SLC24A2: variants seen among roughly 807,000 people sequenced by gnomAD.
The protein encoded by SLC24A2 is solute carrier family 24 member 2, also known as sodium/potassium/calcium exchanger 2.
Under a neutral mutation model 62.0 loss-of-function variants are expected in SLC24A2, and 36 were observed. The ratio of observed to expected loss-of-function variants is 0.58; its 90% CI spans 0.44 to 0.77. The LOEUF is 0.77. SLC24A2 is among the 30% of genes least tolerant of loss of function. The probability of loss-of-function intolerance (pLI) is 0.00; values close to 1 mark genes in which losing one functional copy is unlikely to be tolerated. For synonymous variants in SLC24A2, 358 were observed against 294.0 expected, an observed-to-expected ratio of 1.22 and a Z score of -2.23; for missense variants, 846 against 817.9, an observed-to-expected ratio of 1.03 and a Z score of -0.42.
the SLC24A2 span, among the ~76,000 whole-genome samples, chr9:20,282,506 G>A: frequency 6.6e-6 from 1 of 152,124 alleles, no homozygotes; most frequent in African/African-American, 2.4e-5. Context: ...TGAAATCCAA[G>A]AGATTAATGC....
At chr9:20,034,506 C>T in the SLC24A2 span, among the ~76,000 whole-genome samples, 2 of 125,956 alleles carry the variant, frequency 1.6e-5, no homozygotes, top group Non-Finnish European at 3.1e-5. Flanking sequence ...GTCGCCCAGG[C>T]TGGAATGCAG....
At chr9:20,141,204 G>A in the SLC24A2 span, among the ~76,000 whole-genome samples, 2 of 152,098 alleles carry the variant, frequency 1.3e-5, no homozygotes, top group Non-Finnish European at 2.9e-5. Context: ...AATGAATACA[G>A]CACTTGATGA....
At chr9:19,997,539 C>G in the SLC24A2 span, among the ~76,000 whole-genome samples, 1 of 152,170 alleles carries the variant, frequency 6.6e-6, no homozygotes, top group Non-Finnish European at 1.5e-5. Flanking sequence ...TCAGCACACT[C>G]TCAGCAAGTG....
At chr9:20,145,138 T>A in the SLC24A2 span, among the ~76,000 whole-genome samples, 1 of 152,154 alleles carries the variant, frequency 6.6e-6, no homozygotes, top group African/African-American at 2.4e-5. Flanking sequence ...TCATATGGAA[T>A]AACTGTGGCA....
At chr9:19,634,471 A>G (rs1818262757) in intron 2 of SLC24A2, among the ~76,000 whole-genome samples, 1 of 152,082 alleles carries the variant, frequency 6.6e-6, no homozygotes, top group African/African-American at 2.4e-5. Context: ...TATTTTTAGT[A>G]GAGATGGGGT....
the SLC24A2 span, among the ~76,000 whole-genome samples, chr9:19,848,104 T>C: frequency 6.6e-6 from 1 of 152,222 alleles, no homozygotes; most frequent in Non-Finnish European, 1.5e-5. Flanking sequence ...ATTTTAACTA[T>C]TCTGAACAAG....
At chr9:20,059,173 A>G in the SLC24A2 span, among the ~76,000 whole-genome samples, 14 of 152,216 alleles carry the variant, frequency 9.2e-5, no homozygotes, top group Non-Finnish European at 1.5e-4. Flanking sequence ...AGATGAGAAG[A>G]TTATCCTGGA....
the SLC24A2 span, among the ~76,000 whole-genome samples, chr9:20,065,657 T>A: frequency 4.6e-5 from 7 of 152,214 alleles, no homozygotes; most frequent in African/African-American, 1.4e-4. Flanking sequence ...TTATACATTA[T>A]ACCTATATAC....
chr9:19,545,690 G>T (rs903993392), intron 8 of SLC24A2, among the ~76,000 whole-genome samples: 1 of 151,304 alleles, frequency 6.6e-6, no homozygotes, highest in East Asian at 1.9e-4. Context: ...TTACGCTGGA[G>T]TGCAGTGGTG....
At chr9:19,702,482 A>G (rs1046716642) in intron 2 of SLC24A2, among the ~76,000 whole-genome samples, 6 of 152,192 alleles carry the variant, frequency 3.9e-5, no homozygotes, top group Admixed American at 3.9e-4. Flanking sequence ...GACTTGTCGC[A>G]TAACAGAAAA....
At chr9:20,221,189 A>T in the SLC24A2 span, among the ~76,000 whole-genome samples, 2 of 152,114 alleles carry the variant, frequency 1.3e-5, no homozygotes, top group Non-Finnish European at 2.9e-5. Flanking sequence ...AGAAGATAAG[A>T]GTGACATGGA....
chr9:20,149,510 A>T, the SLC24A2 span, among the ~76,000 whole-genome samples: 1 of 15,712 alleles, frequency 6.4e-5, no homozygotes, highest in Non-Finnish European at 2.2e-4. Flanking sequence ...GATGATAAAT[A>T]TTTAACTCTG....
the SLC24A2 span, among the ~76,000 whole-genome samples, chr9:20,185,563 G>C: frequency 6.6e-5 from 10 of 151,356 alleles, no homozygotes; most frequent in African/African-American, 2.4e-4. Context: ...TATTCGGGAG[G>C]CTGAGGCAGG....
intron 2 of SLC24A2, among the ~76,000 whole-genome samples, chr9:19,647,537 T>C (rs185677213): frequency 2.7e-4 from 41 of 150,872 alleles, no homozygotes; most frequent in Middle Eastern, 6.8e-3. Flanking sequence ...ACATGGCTAC[T>C]GGCTTAGCAA....
chr9:20,278,677 T>A, the SLC24A2 span, among the ~76,000 whole-genome samples: 2 of 152,202 alleles, frequency 1.3e-5, no homozygotes, highest in African/African-American at 4.8e-5. Flanking sequence ...CTTTCCCACA[T>A]CGTCCTGTCT....
At chr9:19,905,406 C>CTT in the SLC24A2 span, among the ~76,000 whole-genome samples, 2 of 144,078 alleles carry the variant, frequency 1.4e-5, no homozygotes, top group East Asian at 2.0e-4. Context: ...CTTCCCACCT[C>CTT]TTTTTTTTTT....
chr9:20,278,402 G>C, the SLC24A2 span, among the ~76,000 whole-genome samples: 5 of 152,030 alleles, frequency 3.3e-5, no homozygotes, highest in African/African-American at 1.2e-4. Flanking sequence ...GAACAACCAA[G>C]ACACATCTTG....
the SLC24A2 span, among the ~76,000 whole-genome samples, chr9:20,045,407 A>T: frequency 3.3e-5 from 5 of 152,154 alleles, no homozygotes; most frequent in African/African-American, 1.2e-4. Context: ...GTAGAACACA[A>T]AAAAGGAACA....
At chr9:19,525,171 G>T (rs927622153) in intron 9 of SLC24A2, among the ~76,000 whole-genome samples, 1 of 151,946 alleles carries the variant, frequency 6.6e-6, no homozygotes, top group Non-Finnish European at 1.5e-5. Flanking sequence ...GAAATATCCA[G>T]GAAGAGTAAT....
Sources: gnomAD v4.1 joint callset for allele counts (sites outside exome capture counted in the v4.1 genomes callset) on GRCh38, gnomAD v4.1.1 for gene constraint, MANE v1.5 for transcripts, NCBI Gene and HGNC (gene_info 2026-07-23, HGNC 2026-07-21) for gene names.